Variants in EEPD1 observed in about 807,000 individuals in gnomAD.
EEPD1 encodes endonuclease/exonuclease/phosphatase family domain-containing protein 1.
A neutral mutation model predicts 46.3 loss-of-function variants in EEPD1; 17 were observed. The observed-to-expected ratio is 0.37, with a 90% CI of 0.25 to 0.55. The LOEUF (loss-of-function observed/expected upper bound fraction) is 0.55, where lower values mean the gene tolerates loss of function less well. EEPD1 is among the 20% of genes least tolerant of loss of function. The probability of loss-of-function intolerance (pLI) is 0.83; values close to 1 mark genes in which losing one functional copy is unlikely to be tolerated. For synonymous variants in EEPD1, 313 were observed against 315.6 expected (o/e 0.99, Z 0.09); for missense variants, 673 against 745.6 (o/e 0.90, Z 1.13).
chr7:36,273,706 T>C (rs1227546424), intron 3 of EEPD1, among the ~76,000 whole-genome samples: 1 of 152,180 alleles, frequency 6.6e-6, no homozygotes, highest in Non-Finnish European at 1.5e-5. Context: ...AGAGGTGCCC[T>C]GGTCTGGAGT....
intron 2 of EEPD1, among the ~76,000 whole-genome samples, chr7:36,158,987 A>G (rs1784865092): frequency 6.6e-6 from 1 of 152,212 alleles, no homozygotes; most frequent in African/African-American, 2.4e-5. Context: ...TTAGCCCTGT[A>G]ATGGCTTAAA....
intron 2 of EEPD1, among the ~76,000 whole-genome samples, chr7:36,219,638 AAAG>A (rs770227363): frequency 6.9e-4 from 103 of 148,300 alleles, no homozygotes; most frequent in East Asian, 6.8e-3. Context: ...GAAGGAAAGA[AAAG>A]AAGAAGGAGG....
chr7:36,287,099 T>C (rs1352304551), intron 5 of EEPD1, among the ~76,000 whole-genome samples: 1 of 151,618 alleles, frequency 6.6e-6, no homozygotes, highest in Non-Finnish European at 1.5e-5. Flanking sequence ...TAGCTGGGCA[T>C]GGTGGCACAC....
At chr7:36,297,575 C>G (rs1787547952) in intron 7 of EEPD1, among the ~76,000 whole-genome samples, 1 of 152,182 alleles carries the variant, frequency 6.6e-6, no homozygotes, top group African/African-American at 2.4e-5. Flanking sequence ...TTGGCAGAGT[C>G]CTGATTCAGA....
intron 2 of EEPD1, among the ~76,000 whole-genome samples, chr7:36,170,680 G>A (rs10230457): frequency 0.16 from 23,873 of 149,332 alleles, 2,028 homozygotes; most frequent in Middle Eastern, 0.24. Flanking sequence ...CTTAGACATC[G>A]CCTTTAAAAA....
At position 36,193,467 on chromosome 7, in the gene EEPD1, G is replaced by A. The variant is rs1182793040; in HGVS notation, c.878+38265G>A. 2.0e-5 allele frequency among the ~76,000 whole-genome samples: 3 copies of A among 152,138 alleles called. No individual in the cohort carries two copies. The highest frequency in any genetic ancestry group is 4.4e-5 in the Non-Finnish European group (3 of 68,012). On this transcript the variant is annotated intron_variant, in intron 2 of 7. Coordinates refer to ENST00000242108, the MANE Select transcript of EEPD1 (RefSeq NM_030636.3). The surrounding 1 kb of genome is among the most constrained non-coding windows in gnomAD (Gnocchi z 4.9). ...TCATGCCAGCCTTGGGAGGTCCCCCGGGGAGTGCGGTCCCCTGAAGGCAGA... is the reference window on the plus strand; with the variant it reads ...TCATGCCAGCCTTGGGAGGTCCCCCAGGGAGTGCGGTCCCCTGAAGGCAGA...
Position 36,262,955 on chromosome 7 carries a change from G to GT in EEPD1, c.931-18159dup, listed in dbSNP as rs1364042389. The stretch of plus-strand genomic sequence containing the variant: ...TCGCTTGACAGTCCTGGTGTATGGG[G>GT]TAGGGGAGGGCTCTCTCCTGTCCTG... On this transcript the variant is annotated intron_variant, in intron 3 of 7. Transcript: ENST00000242108. Among the ~76,000 whole-genome samples, 4 of 152,232 alleles carry GT rather than the reference G, an allele frequency of 2.6e-5. No homozygotes were observed. In the South Asian group the frequency reaches 6.2e-4, roughly 24 times the overall value.
intron 2 of EEPD1, among the ~76,000 whole-genome samples, chr7:36,161,854 A>G (rs867381570): frequency 6.7e-6 from 1 of 148,608 alleles, no homozygotes; most frequent in Non-Finnish European, 1.5e-5. Flanking sequence ...TGATCATGCC[A>G]TTGTTCTCCA....
At chr7:36,160,562 A>G (rs1428022633) in intron 2 of EEPD1, among the ~76,000 whole-genome samples, 1 of 151,866 alleles carries the variant, frequency 6.6e-6, no homozygotes, top group African/African-American at 2.4e-5. Context: ...AGGCCAGGCC[A>G]GATCAGGTGG....
Position 36,281,105 on chromosome 7 carries a change from G to C in EEPD1, c.931-10G>C. ...AACCCACGCTTCTGACCTGTGCTCT[G>C]TCTTTGCAGTTCTGCACGGAGCTAA... is the stretch of plus-strand genomic sequence containing the variant. On this transcript the variant is annotated splice_polypyrimidine_tract_variant and intron_variant, in intron 3 of 7. Coordinates refer to ENST00000242108, the MANE Select transcript of EEPD1 (RefSeq NM_030636.3). 1 of 1,613,818 alleles carries C rather than the reference G, an allele frequency of 6.2e-7. No homozygotes were observed. Among genetic ancestry groups the C allele is most frequent in the East Asian group, 2.2e-5 (1 of 44,876 alleles).
intron 3 of EEPD1, among the ~76,000 whole-genome samples, chr7:36,243,738 T>C (rs1786593349): frequency 6.6e-6 from 1 of 152,134 alleles, no homozygotes; most frequent in Non-Finnish European, 1.5e-5. Context: ...TGAGTTCATG[T>C]CCTTTGTAGG....
chr7:36,260,251 A>T (rs1786900702), intron 3 of EEPD1, among the ~76,000 whole-genome samples: 1 of 152,244 alleles, frequency 6.6e-6, no homozygotes, highest in African/African-American at 2.4e-5. Context: ...GTCTGTTAGC[A>T]ACAAATTCTC....
At chr7:36,280,385 A>T (rs1787242882) in intron 3 of EEPD1, among the ~76,000 whole-genome samples, 1 of 152,154 alleles carries the variant, frequency 6.6e-6, no homozygotes, top group African/African-American at 2.4e-5. Context: ...GAGTGCTCCA[A>T]GGCTTGTGAA....
chr7:36,201,093 A>G (rs1015065090), intron 2 of EEPD1, among the ~76,000 whole-genome samples: 1 of 152,162 alleles, frequency 6.6e-6, no homozygotes, highest in Non-Finnish European at 1.5e-5. Context: ...TTAATCACAA[A>G]GAAACAACCA....
Position 36,279,533 on chromosome 7 carries a change from T to C in EEPD1, c.931-1582T>C, listed in dbSNP as rs535154973. On this transcript the variant is annotated intron_variant, in intron 3 of 7. Coordinates refer to ENST00000242108, the MANE Select transcript of EEPD1 (RefSeq NM_030636.3). ...AAGACCAGACCTTTAGACCCTGGCC[T>C]CTCCCAACCATTGTATGTGGGCTGC... is the stretch of plus-strand genomic sequence containing the variant. Among the ~76,000 whole-genome samples, 3 of 152,300 alleles carry C rather than the reference T, an allele frequency of 2.0e-5. No homozygotes were observed. The East Asian group carries it at 5.8e-4, about 29-fold the overall frequency.
At chr7:36,228,362 T>C (rs1388362156) in intron 2 of EEPD1, among the ~76,000 whole-genome samples, 1 of 152,018 alleles carries the variant, frequency 6.6e-6, no homozygotes, top group East Asian at 1.9e-4. Context: ...ATCCCATCTT[T>C]ACTAAAAATA....
At chr7:36,260,499 A>G (rs1458482367) in intron 3 of EEPD1, among the ~76,000 whole-genome samples, 1 of 152,192 alleles carries the variant, frequency 6.6e-6, no homozygotes, top group African/African-American at 2.4e-5. Flanking sequence ...GTGGTATTTC[A>G]CTTATGGGCT....
intron 2 of EEPD1, among the ~76,000 whole-genome samples, chr7:36,178,611 G>A (rs1785223447): frequency 6.6e-6 from 1 of 152,194 alleles, no homozygotes. Context: ...TGTGGCTCTT[G>A]GAAAAGCCAG....
At chr7:36,173,888 A>G (rs1033112700) in intron 2 of EEPD1, among the ~76,000 whole-genome samples, 32 of 152,172 alleles carry the variant, frequency 2.1e-4, no homozygotes, top group Admixed American at 1.6e-3. Context: ...GAAAAATACA[A>G]ATGCAGAGAT....
Sources: allele counts gnomAD v4.1 joint callset (sites outside exome capture counted in the v4.1 genomes callset), GRCh38; gene constraint gnomAD v4.1.1; non-coding constraint Gnocchi (gnomAD v3.1); transcripts MANE v1.5; gene names NCBI Gene and HGNC (gene_info 2026-07-23, HGNC 2026-07-21).